UMAD1: variants seen among roughly 807,000 people sequenced by gnomAD.
UMAD1 encodes the protein UBAP1-MVB12-associated (UMA) domain containing 1, also known as UBAP1-MVB12-associated (UMA)-domain containing protein 1.
In UMAD1, 8 loss-of-function variants were observed where a neutral mutation model predicts 6.1. The ratio of observed to expected loss-of-function variants is 1.30; its 90% CI spans 0.76 to 2.35. UMAD1 has a LOEUF of 2.35. UMAD1 is among the 30% of genes most tolerant of loss of function. UMAD1 has a pLI of 0.00. For synonymous variants in UMAD1, 56 were observed against 31.4 expected, an observed-to-expected ratio of 1.78 and a Z score of -2.61; for missense variants, 130 against 78.4, an observed-to-expected ratio of 1.66 and a Z score of -2.49.
chr7:7,730,693 T>A (rs1781230656), intron 2 of UMAD1, among the ~76,000 whole-genome samples: 1 of 152,146 alleles, frequency 6.6e-6, no homozygotes, highest in African/African-American at 2.4e-5. Flanking sequence ...CATGCATTTC[T>A]CTTAAAAACA....
intron 3 of UMAD1, among the ~76,000 whole-genome samples, chr7:7,836,224 C>T (rs117659619): frequency 8.7e-4 from 133 of 152,026 alleles, no homozygotes; most frequent in Non-Finnish European, 1.3e-3. Context: ...TAGTGGTAAA[C>T]GTGTTTACAT....
chr7:7,714,820 A>G (rs905153981), intron 2 of UMAD1, among the ~76,000 whole-genome samples: 2 of 110,636 alleles, frequency 1.8e-5, no homozygotes, highest in Admixed American at 8.3e-5. Context: ...TAATTTTTTT[A>G]TTTCCTCATG....
intron 1 of UMAD1, among the ~76,000 whole-genome samples, chr7:7,663,284 C>CTTTCTGTGTT (rs1785522056): frequency 1.5e-5 from 1 of 66,298 alleles, no homozygotes; most frequent in Admixed American, 1.7e-4. Flanking sequence ...ATAGTTTTTT[C>CTTTCTGTGTT]TTTCTTTGTT....
chr7:7,776,023 T>G (rs1427111520), intron 2 of UMAD1, among the ~76,000 whole-genome samples: 1 of 152,170 alleles, frequency 6.6e-6, no homozygotes, highest in Non-Finnish European at 1.5e-5. Flanking sequence ...TCATCAAATT[T>G]GATACTTGAA....
intron 3 of UMAD1, among the ~76,000 whole-genome samples, chr7:7,839,122 ATAT>A (rs1563249071): frequency 1.3e-5 from 2 of 152,168 alleles, no homozygotes; most frequent in East Asian, 1.9e-4. Flanking sequence ...TGCCTTACAC[ATAT>A]TATAGTATCT....
At chr7:7,650,209 C>T (rs1285152101) in intron 1 of UMAD1, among the ~76,000 whole-genome samples, 4 of 152,148 alleles carry the variant, frequency 2.6e-5, no homozygotes, top group African/African-American at 9.7e-5. Context: ...AATTTACGTT[C>T]TTGTAACTCT....
intron 2 of UMAD1, among the ~76,000 whole-genome samples, chr7:7,702,094 A>G (rs1780477119): frequency 6.6e-6 from 1 of 152,208 alleles, no homozygotes; most frequent in African/African-American, 2.4e-5. Flanking sequence ...AGGGATGTCA[A>G]GGTAGGGAAG....
chr7:7,660,038 C>T (rs969011021), intron 1 of UMAD1, among the ~76,000 whole-genome samples: 1 of 152,136 alleles, frequency 6.6e-6, no homozygotes, highest in African/African-American at 2.4e-5. Flanking sequence ...TTGCATTGAT[C>T]CCTTTACCAT....
At chr7:7,673,508 T>G in intron 2 of UMAD1, 55 bp downstream of exon 2, 1 of 676,728 alleles carries the variant, frequency 1.5e-6, no homozygotes, top group East Asian at 2.7e-5. Context: ...CTTTAAAAAA[T>G]TACTTGAAAA....
chr7:7,840,322 C>T (rs1269165336), intron 3 of UMAD1, among the ~76,000 whole-genome samples: 1 of 152,084 alleles, frequency 6.6e-6, no homozygotes, highest in African/African-American at 2.4e-5. Flanking sequence ...TCGTGGTCTT[C>T]AACCCCGACT....
intron 3 of UMAD1, among the ~76,000 whole-genome samples, chr7:7,859,043 T>C (rs1784068668): frequency 6.6e-6 from 1 of 152,220 alleles, no homozygotes; most frequent in Non-Finnish European, 1.5e-5. Flanking sequence ...AAAGTGTTCC[T>C]AAGTTCCTTT....
chr7:7,671,070 T>C (rs1779593400), intron 1 of UMAD1, among the ~76,000 whole-genome samples: 1 of 152,222 alleles, frequency 6.6e-6, no homozygotes. Flanking sequence ...GCTTCTTATC[T>C]GTAGAAAATT....
At chr7:7,651,933 A>G (rs959790565) in intron 1 of UMAD1, among the ~76,000 whole-genome samples, 7 of 152,090 alleles carry the variant, frequency 4.6e-5, no homozygotes, top group African/African-American at 1.7e-4. Flanking sequence ...GTTACACACC[A>G]TTCAAACCAC....
At chr7:7,656,105 G>T (rs1785335885) in intron 1 of UMAD1, among the ~76,000 whole-genome samples, 1 of 152,034 alleles carries the variant, frequency 6.6e-6, no homozygotes, top group Non-Finnish European at 1.5e-5. Flanking sequence ...AAAGTACTGA[G>T]ATTACAGGCA....
At chr7:7,868,635 G>T (rs1313301721) in intron 3 of UMAD1, 1 of 151,816 alleles carries the variant, frequency 6.6e-6, no homozygotes, top group Admixed American at 6.6e-5. Flanking sequence ...TCAGAGACTA[G>T]GAAAGGAACA....
chr7:7,700,442 C>A (rs1276677710), intron 2 of UMAD1, among the ~76,000 whole-genome samples: 1 of 152,052 alleles, frequency 6.6e-6, no homozygotes, highest in African/African-American at 2.4e-5. Context: ...AAGAAAAAGT[C>A]AGGCTGGGTG....
At chr7:7,670,577 C>T (rs184335638) in intron 1 of UMAD1, among the ~76,000 whole-genome samples, 2 of 152,322 alleles carry the variant, frequency 1.3e-5, no homozygotes, top group African/African-American at 4.8e-5. Context: ...ACTCACCCCT[C>T]CCCAAGGCAG....
intron 3 of UMAD1, among the ~76,000 whole-genome samples, chr7:7,828,010 TTTC>T (rs1783381089): frequency 6.6e-6 from 1 of 152,206 alleles, no homozygotes; most frequent in Non-Finnish European, 1.5e-5. Context: ...TCAAAGTCTT[TTTC>T]TTCTTTTGAA....
chr7:7,826,558 T>G (rs1783346030), intron 3 of UMAD1, among the ~76,000 whole-genome samples: 1 of 152,302 alleles, frequency 6.6e-6, no homozygotes, highest in Non-Finnish European at 1.5e-5. Flanking sequence ...AAATGGTTCT[T>G]GATTTTTCAC....
Sources: gnomAD v4.1 joint callset for allele counts (sites outside exome capture counted in the v4.1 genomes callset) on GRCh38, gnomAD v4.1.1 for gene constraint, MANE v1.5 for transcripts, NCBI Gene and HGNC (gene_info 2026-07-23, HGNC 2026-07-21) for gene names.